Variants in MSI2 observed in about 807,000 individuals in gnomAD.
MSI2 encodes the protein musashi RNA binding protein 2, also known as RNA-binding protein Musashi homolog 2.
MSI2 carries 17 observed loss-of-function variants against 45.6 expected under a neutral mutation model. The observed-to-expected ratio is 0.37, with a 90% confidence interval of 0.26 to 0.56. MSI2 has a LOEUF of 0.56. Among genes scored for constraint, MSI2 ranks in the 20% least tolerant of loss-of-function variants. The pLI is 0.77. For missense variants in MSI2, 293 were observed against 444.2 expected (o/e 0.66, Z 3.06); for synonymous variants, 156 against 158.2 (o/e 0.99, Z 0.11).
intron 10 of MSI2, chr17:57,630,730 A>G (rs1477909553): frequency 6.6e-6 from 1 of 152,354 alleles, no homozygotes; most frequent in Non-Finnish European, 1.5e-5. Flanking sequence ...TCCATGTGTC[A>G]TTCCAGTCAA....
intron 5 of MSI2, among the ~76,000 whole-genome samples, chr17:57,287,038 T>C (rs920563205): frequency 3.9e-5 from 6 of 152,044 alleles, no homozygotes; most frequent in African/African-American, 1.5e-4. Flanking sequence ...CATTTCTTCA[T>C]TGGAAATTTA....
intron 6 of MSI2, among the ~76,000 whole-genome samples, chr17:57,412,684 A>G (rs1279308569): frequency 6.6e-6 from 1 of 152,226 alleles, no homozygotes; most frequent in East Asian, 1.9e-4. Flanking sequence ...ACAATATGAA[A>G]ATGAATGGTT....
intron 10 of MSI2, among the ~76,000 whole-genome samples, chr17:57,635,409 A>T (rs1211724058): frequency 2.6e-5 from 4 of 152,102 alleles, no homozygotes; most frequent in Non-Finnish European, 5.9e-5. Flanking sequence ...TCTCCTCTCC[A>T]CCTCATCCTC....
intron 6 of MSI2, among the ~76,000 whole-genome samples, chr17:57,458,658 G>A (rs75887743): frequency 0.035 from 5,390 of 152,246 alleles, 317 homozygotes; most frequent in African/African-American, 0.12. Context: ...CCATGCCTCT[G>A]GGTTATCAGC....
chr17:57,692,730 G>GTTTTGTTTT, the MSI2 span, among the ~76,000 whole-genome samples: 1 of 151,986 alleles, frequency 6.6e-6, no homozygotes, highest in African/African-American at 2.4e-5. Flanking sequence ...GTTTTGTTTT[G>GTTTTGTTTT]TTTTGTTTCT....
At chr17:57,294,836 T>A (rs1342669378) in intron 5 of MSI2, 1 of 152,384 alleles carries the variant, frequency 6.6e-6, no homozygotes, top group Non-Finnish European at 1.5e-5. Context: ...TGAGTTGGGT[T>A]CATTCATTGA....
intron 6 of MSI2, among the ~76,000 whole-genome samples, chr17:57,486,098 C>G (rs1469752044): frequency 2.6e-5 from 4 of 152,218 alleles, no homozygotes; most frequent in African/African-American, 9.6e-5. Context: ...TGAGTTTTCT[C>G]CACTCATGCA....
chr17:57,304,979 C>T (rs567763121), intron 5 of MSI2, among the ~76,000 whole-genome samples: 4 of 152,062 alleles, frequency 2.6e-5, no homozygotes, highest in Non-Finnish European at 4.4e-5. Context: ...TTTTGTGGGA[C>T]GGGGGGATAC....
intron 11 of MSI2, among the ~76,000 whole-genome samples, chr17:57,657,962 C>A (rs1911726496): frequency 6.6e-6 from 1 of 152,224 alleles, no homozygotes; most frequent in Non-Finnish European, 1.5e-5. Flanking sequence ...CCGTGTTTCC[C>A]ACAATGCACT....
At chr17:57,488,193 C>T (rs543494077) in intron 6 of MSI2, among the ~76,000 whole-genome samples, 2 of 143,486 alleles carry the variant, frequency 1.4e-5, no homozygotes, top group African/African-American at 5.1e-5. Context: ...GAGAAAACAA[C>T]CAGGGGGAAG....
At position 57,596,854 on chromosome 17, in the gene MSI2, C is replaced by G; in HGVS notation, c.455-14C>G. On this transcript the variant is annotated splice_polypyrimidine_tract_variant and intron_variant, in intron 7 of 13. Transcript: ENST00000284073. The surrounding 1 kb of genome is among the most constrained non-coding windows in gnomAD (Gnocchi z 4.6). ...CGCCTCTCTTTGTTTTTTCTTCTCT[C>G]TCTTTTCCTTTAGGGTTTGGCTTTG... The G allele has an allele frequency of 6.2e-7, 1 of 1,603,768 alleles. No individual in the cohort carries two copies. Among genetic ancestry groups the G allele is most frequent in the Non-Finnish European group, 8.5e-7 (1 of 1,170,832 alleles).
chr17:57,663,430 C>T (rs959041212), intron 11 of MSI2, among the ~76,000 whole-genome samples: 2 of 152,138 alleles, frequency 1.3e-5, no homozygotes, highest in African/African-American at 2.4e-5. Flanking sequence ...CTTGTGTAGC[C>T]GGGAAAGGCA....
At chr17:57,317,506 C>CTTTTTTTTTTTTTTT (rs921448429) in intron 5 of MSI2, among the ~76,000 whole-genome samples, 3 of 94,542 alleles carry the variant, frequency 3.2e-5, no homozygotes, top group East Asian at 3.0e-4. Context: ...TATAGTTTTG[C>CTTTTTTTTTTTTTTT]TTTTTTTTTT....
intron 8 of MSI2, among the ~76,000 whole-genome samples, chr17:57,609,536 G>A (rs1281498798): frequency 6.6e-6 from 1 of 152,246 alleles, no homozygotes; most frequent in Non-Finnish European, 1.5e-5. Context: ...GTCCTGGATG[G>A]TACATCAAGG....
intron 6 of MSI2, among the ~76,000 whole-genome samples, chr17:57,446,479 GC>G (rs1341589042): frequency 6.6e-6 from 1 of 152,196 alleles, no homozygotes; most frequent in East Asian, 1.9e-4. Context: ...TGCACAGCTG[GC>G]CCCCTTTGGG....
intron 5 of MSI2, among the ~76,000 whole-genome samples, chr17:57,370,378 A>G (rs2083402986): frequency 6.6e-6 from 1 of 152,234 alleles, no homozygotes; most frequent in Non-Finnish European, 1.5e-5. Flanking sequence ...AAGAAATGCC[A>G]TTCTGTTTTG....
chr17:57,642,171 T>C (rs77827782), intron 10 of MSI2, among the ~76,000 whole-genome samples: 2,936 of 152,352 alleles, frequency 0.019, 61 homozygotes, highest in South Asian at 0.074. Flanking sequence ...AAAGAATTAC[T>C]TGTGTCTTGG....
rs761754054 is a variant in MSI2, at chr17:57,652,214, G to T, written c.790+53G>T. ...CCCAGGCATGCCCCCAGTGTGCAGG[G>T]GGAGGTCAAGGCCCTGTCGGATCTG... On this transcript the variant is annotated intron_variant, in intron 11 of 13. Coordinates refer to ENST00000284073, the MANE Select transcript of MSI2 (RefSeq NM_138962.4). This position sits in a 1 kb window ranked among gnomAD's most constrained non-coding sequence, Gnocchi z 4.1. 3.9e-5 allele frequency: 60 copies of T among 1,528,720 alleles called. No homozygotes were observed. Among genetic ancestry groups the T allele is most frequent in the Non-Finnish European group, 5.3e-5 (58 of 1,103,426 alleles). The allele number at this position is 1,528,720 out of a possible 1,614,324, so 94.7% of individuals were successfully genotyped here.
At chr17:57,366,346 C>G (rs1327997147) in intron 5 of MSI2, among the ~76,000 whole-genome samples, 1 of 152,202 alleles carries the variant, frequency 6.6e-6, no homozygotes, top group African/African-American at 2.4e-5. Flanking sequence ...CCAGCCTGGG[C>G]CCTTCTCACG....
Sources: allele counts gnomAD v4.1 joint callset (sites outside exome capture counted in the v4.1 genomes callset), GRCh38; gene constraint gnomAD v4.1.1; non-coding constraint Gnocchi (gnomAD v3.1); transcripts MANE v1.5; gene names NCBI Gene and HGNC (gene_info 2026-07-23, HGNC 2026-07-21).